The following SGCZ variants were observed in gnomAD, a reference collection of about 807,000 sequenced individuals.
SGCZ encodes the protein zeta-sarcoglycan.
Under a neutral mutation model 41.3 loss-of-function variants are expected in SGCZ, and 40 were observed. That is an observed-to-expected ratio of 0.97 (90% CI 0.75 to 1.26). The LOEUF (loss-of-function observed/expected upper bound fraction) is 1.26, where lower values mean the gene tolerates loss of function less well. Among genes scored for constraint, SGCZ ranks in the 50% most tolerant of loss-of-function variants. The pLI, the probability that SGCZ is intolerant of heterozygous loss-of-function variation, is 0.00. For synonymous variants in SGCZ, 206 were observed against 137.5 expected, an observed-to-expected ratio of 1.50 and a Z score of -3.49; for missense variants, 552 against 369.8, an observed-to-expected ratio of 1.49 and a Z score of -4.04.
At chr8:14,887,041 G>A (rs929913766) in intron 1 of SGCZ, among the ~76,000 whole-genome samples, 1 of 152,096 alleles carries the variant, frequency 6.6e-6, no homozygotes, top group Non-Finnish European at 1.5e-5. Context: ...ATGCCATTTA[G>A]TGAGATGGGG....
chr8:14,675,839 C>A (rs536816122), intron 1 of SGCZ, among the ~76,000 whole-genome samples: 38 of 152,280 alleles, frequency 2.5e-4, no homozygotes, highest in African/African-American at 9.1e-4. Context: ...TTCCAAACTG[C>A]TGTGCAGATT....
rs890998244 is a variant in SGCZ, at chr8:14,881,318, CTTTA to C, written c.40-326396_40-326393del. ...TTTATTCATATTTACTTTAAAGAGG[CTTTA>C]TTTGTTTTTTCCTTTGCTCCTAACC... On this transcript the variant is annotated intron_variant, in intron 1 of 7. Coordinates refer to ENST00000382080, the MANE Select transcript of SGCZ (RefSeq NM_139167.4). Among the ~76,000 whole-genome samples the C allele has an allele frequency of 7.2e-5, 11 of 152,120 alleles. No individual in the cohort carries two copies. The East Asian group carries it at 1.2e-3, about 16-fold the overall frequency.
intron 2 of SGCZ, among the ~76,000 whole-genome samples, chr8:14,537,590 T>G (rs1803334976): frequency 6.6e-6 from 1 of 151,660 alleles, no homozygotes; most frequent in African/African-American, 2.4e-5. Context: ...GCTCTTCTCC[T>G]GGAACAGTTG....
chr8:14,831,568 A>C (rs983130133), intron 1 of SGCZ, among the ~76,000 whole-genome samples: 1 of 151,554 alleles, frequency 6.6e-6, no homozygotes, highest in Non-Finnish European at 1.5e-5. Context: ...AACTTCATTA[A>C]GTTTCTCCTA....
At chr8:14,215,378 A>C (rs7007237) in intron 4 of SGCZ, among the ~76,000 whole-genome samples, 151,307 of 152,068 alleles carry the variant, frequency 0.99, 75,281 homozygotes, top group East Asian at 1. Flanking sequence ...AGCAGTGATA[A>C]CAGACAAACT....
At chr8:14,812,428 A>C (rs1801764505) in intron 1 of SGCZ, among the ~76,000 whole-genome samples, 1 of 152,104 alleles carries the variant, frequency 6.6e-6, no homozygotes, top group African/African-American at 2.4e-5. Context: ...TTTATTACAG[A>C]GTATTTGTTT....
chr8:14,679,156 A>G (rs1414106942), intron 1 of SGCZ, among the ~76,000 whole-genome samples: 1 of 152,198 alleles, frequency 6.6e-6, no homozygotes, highest in African/African-American at 2.4e-5. Flanking sequence ...ATAATAATAT[A>G]TCACATACAA....
intron 1 of SGCZ, among the ~76,000 whole-genome samples, chr8:14,874,694 C>G (rs1804282689): frequency 1.3e-5 from 2 of 151,936 alleles, no homozygotes; most frequent in African/African-American, 2.4e-5. Context: ...GATGTGCTAT[C>G]TTCAGTGAAT....
At chr8:14,434,195 A>G (rs1252547864) in intron 2 of SGCZ, among the ~76,000 whole-genome samples, 1 of 152,202 alleles carries the variant, frequency 6.6e-6, no homozygotes, top group Non-Finnish European at 1.5e-5. Flanking sequence ...TGGCTTGCCA[A>G]TGATCCCAGC....
chr8:14,249,209 C>CTGACTGTCTTCAAGCTGGGACA (rs1799203558), intron 3 of SGCZ, among the ~76,000 whole-genome samples: 1 of 152,154 alleles, frequency 6.6e-6, no homozygotes, highest in African/African-American at 2.4e-5. Flanking sequence ...CTCTCTCTGC[C>CTGACTGTCTTCAAGCTGGGACA]TGACTGTCTT....
intron 1 of SGCZ, among the ~76,000 whole-genome samples, chr8:14,949,251 A>G (rs1412030805): frequency 6.6e-6 from 1 of 152,186 alleles, no homozygotes; most frequent in Non-Finnish European, 1.5e-5. Context: ...TAGCTATAAA[A>G]TATTTTCGCC....
In SGCZ at chr8:14,395,221, C is replaced by CA. The variant is rs1798876630; in HGVS notation, c.235-71018dup. On this transcript the variant is annotated intron_variant, in intron 2 of 7. Coordinates refer to ENST00000382080, the MANE Select transcript of SGCZ (RefSeq NM_139167.4). ...ATGTTTCCAATACCACTTGGTGATT[C>CA]AAAAATCTCTATATTAAACATAGCC... Among the ~76,000 whole-genome samples the CA allele has an allele frequency of 2.0e-5, 3 of 152,156 alleles. No homozygotes were observed. The South Asian group carries it at 6.2e-4, about 32-fold the overall frequency.
intron 3 of SGCZ, chr8:14,308,976 G>A (rs977989095): frequency 2.7e-6 from 2 of 728,552 alleles, no homozygotes; most frequent in African/African-American, 3.5e-5. Context: ...TCAGTGTCTT[G>A]AGGATGAATT....
intron 1 of SGCZ, among the ~76,000 whole-genome samples, chr8:15,154,493 A>C (rs1799271933): frequency 1.3e-5 from 2 of 152,224 alleles, no homozygotes; most frequent in South Asian, 4.1e-4. Context: ...GAGGGGACAC[A>C]GAGAGATGGA....
At chr8:14,180,375 G>C (rs1408803872) in intron 4 of SGCZ, among the ~76,000 whole-genome samples, 1 of 152,014 alleles carries the variant, frequency 6.6e-6, no homozygotes, top group Non-Finnish European at 1.5e-5. Flanking sequence ...GCGGGGAGGG[G>C]GCCAGCATGG....
chr8:14,508,289 G>T (rs538038400), intron 2 of SGCZ, among the ~76,000 whole-genome samples: 2 of 152,180 alleles, frequency 1.3e-5, no homozygotes, highest in East Asian at 3.9e-4. Context: ...ACAGTGTCTG[G>T]CACATATGAG....
chr8:14,633,869 T>C (rs1378265916), intron 1 of SGCZ, among the ~76,000 whole-genome samples: 3 of 151,848 alleles, frequency 2.0e-5, no homozygotes, highest in Non-Finnish European at 4.4e-5. Flanking sequence ...ACATGCTGTG[T>C]TTTGTGCTGA....
intron 5 of SGCZ, among the ~76,000 whole-genome samples, chr8:14,153,958 CACAT>C (rs1387175576): frequency 1.1e-4 from 15 of 138,046 alleles, no homozygotes; most frequent in African/African-American, 1.4e-4. Context: ...CACACACACA[CACAT>C]ATATATGAAG....
chr8:15,201,086 G>A (rs1800873866), intron 1 of SGCZ, among the ~76,000 whole-genome samples: 1 of 152,100 alleles, frequency 6.6e-6, no homozygotes, highest in Non-Finnish European at 1.5e-5. Flanking sequence ...GCACCATCTT[G>A]GTTCACTGCA....
Sources: gnomAD v4.1 joint callset for allele counts (sites outside exome capture counted in the v4.1 genomes callset) on GRCh38, gnomAD v4.1.1 for gene constraint, MANE v1.5 for transcripts, NCBI Gene and HGNC (gene_info 2026-07-23, HGNC 2026-07-21) for gene names.